ZNF793: variants seen among roughly 807,000 people sequenced by gnomAD.
ZNF793 encodes the protein zinc finger protein 793.
Under a neutral mutation model 12.4 loss-of-function variants are expected in ZNF793, and 5 were observed. The observed-to-expected ratio is 0.40, with a 90% CI of 0.21 to 0.84. The LOEUF (loss-of-function observed/expected upper bound fraction) is 0.84, where lower values mean the gene tolerates loss of function less well. Among genes scored for constraint, ZNF793 ranks in the 40% least tolerant of loss-of-function variants. The probability of loss-of-function intolerance (pLI) is 0.35; values close to 1 mark genes in which losing one functional copy is unlikely to be tolerated. For missense variants in ZNF793, 456 were observed against 495.0 expected, an observed-to-expected ratio of 0.92 and a Z score of 0.75; for synonymous variants, 162 against 172.4, an observed-to-expected ratio of 0.94 and a Z score of 0.47.
rs368150518 is a variant in ZNF793 at position 37,537,370 on chromosome 19, T to A, written c.712T>A (p.Tyr238Asn). The A allele has an allele frequency of 3.7e-6, 6 of 1,612,980 alleles. No individual in the cohort carries two copies. Among genetic ancestry groups the A allele is most frequent in the Non-Finnish European group, 5.1e-6 (6 of 1,179,418 alleles). The change falls in exon 8 of 8, where the codon TAC (tyrosine) becomes AAC (asparagine). Residue 238 changes from tyrosine (Y) to asparagine (N), a missense_variant. By Grantham distance (143) the Tyr-to-Asn change is moderately radical (BLOSUM62 -2). Transcript: ENST00000627814. ...VCSECGKAFC[Y>N]KSEFIRHQRS... ...TAGTGAGTGTGGGAAAGCCTTCTGCTACAAGTCTGAATTCATTAGGCATCA... is the reference window on the plus strand; with the variant it reads ...TAGTGAGTGTGGGAAAGCCTTCTGCAACAAGTCTGAATTCATTAGGCATCA...
At position 37,541,268 on chromosome 19, in the gene ZNF793, G is replaced by T. The variant is rs1200454174; in HGVS notation, c.*3389G>T. On this transcript the variant is annotated 3_prime_UTR_variant, in exon 8 of 8. Transcript: ENST00000627814. ...AATAAATTCTGGGTGGCTTTAAGAC[G>T]TAAAATTTTAAAGCAACAGAATTCT... 6.6e-6 allele frequency: 1 copy of T among 152,132 alleles called. No individual in the cohort carries two copies. Among genetic ancestry groups the T allele is most frequent in the African/African-American group, 2.4e-5 (1 of 41,446 alleles). 9.4% of individuals were successfully genotyped at this position (152,132 alleles called of 1,614,324 possible).
At position 37,537,679 on chromosome 19, in the gene ZNF793, T is replaced by C; in HGVS notation, c.1021T>C (p.Cys341Arg). The part of the protein sequence containing the change: ...KMHTGERPYR[C>R]RECGKSFSQK... ...GCACACAGGAGAAAGACCGTATCGTTGCAGAGAATGTGGAAAATCCTTCAG... is the reference window on the plus strand; with the variant it reads ...GCACACAGGAGAAAGACCGTATCGTCGCAGAGAATGTGGAAAATCCTTCAG... Residue 341 changes from cysteine (C) to arginine (R), a missense_variant, in exon 8 of 8, where the codon TGC (cysteine) becomes CGC (arginine). By Grantham distance (180) the Cys-to-Arg change is radical. Transcript: ENST00000627814. The C allele has an allele frequency of 2.5e-6, 4 of 1,613,652 alleles. No individual in the cohort carries two copies. The highest frequency in any genetic ancestry group is 1.7e-6 in the Non-Finnish European group (2 of 1,179,652).
At chr19:37,519,780 A>G (rs2042361103) in intron 2 of ZNF793, among the ~76,000 whole-genome samples, 1 of 152,234 alleles carries the variant, frequency 6.6e-6, no homozygotes, top group South Asian at 2.1e-4. Flanking sequence ...TGATAGGGAT[A>G]CTGAGACACA....
chr19:37,534,518 G>A (rs201255994), intron 7 of ZNF793: 35 of 138,382 alleles, frequency 2.5e-4, no homozygotes, highest in Non-Finnish European at 3.2e-4. Context: ...ACACACACAC[G>A]CACACACACA....
At position 37,533,300 on chromosome 19, in the gene ZNF793, C is replaced by G; in HGVS notation, c.143-8C>G. The G allele has an allele frequency of 6.2e-7, 1 of 1,613,666 alleles. No homozygotes were observed. Among genetic ancestry groups the G allele is most frequent in the Non-Finnish European group, 8.5e-7 (1 of 1,179,692 alleles). On this transcript the variant is annotated splice_polypyrimidine_tract_variant and splice_region_variant and intron_variant, in intron 6 of 7. Coordinates refer to ENST00000627814, the MANE Select transcript of ZNF793 (RefSeq NM_001013659.3). ...AGCCCAAGACCTGCATCAATTTCCC[C>G]GGAACAGGTTATGAAGGCACCAAAC...
intron 2 of ZNF793, among the ~76,000 whole-genome samples, chr19:37,512,666 C>T (rs1048001811): frequency 5.3e-5 from 8 of 152,086 alleles, no homozygotes; most frequent in African/African-American, 1.9e-4. Context: ...ACCCTTTACT[C>T]CTAATGTGTA....
At chr19:37,513,594 AT>A (rs2042309391) in intron 2 of ZNF793, among the ~76,000 whole-genome samples, 2 of 152,248 alleles carry the variant, frequency 1.3e-5, no homozygotes, top group Admixed American at 6.5e-5. Flanking sequence ...GACAGGAAAC[AT>A]CTGGGTTCCA....
intron 4 of ZNF793, 144 bp from the exon 5 acceptor site, chr19:37,523,266 T>G (rs1280942529): frequency 1.1e-5 from 7 of 660,238 alleles, no homozygotes; most frequent in Non-Finnish European, 1.9e-5. Context: ...TCAAATAAGG[T>G]GTAAGCCACC....
intron 2 of ZNF793, among the ~76,000 whole-genome samples, chr19:37,519,669 A>G (rs778715664): frequency 6.6e-5 from 10 of 152,262 alleles, no homozygotes; most frequent in African/African-American, 2.4e-4. Context: ...AGTTAAGAGC[A>G]TAAACAGATT....
Position 37,532,405 on chromosome 19 carries a change from G to A in ZNF793, c.65G>A (p.Trp22Ter), listed in dbSNP as rs766601712. 5.0e-6 allele frequency: 8 copies of A among 1,614,146 alleles called. No individual in the cohort carries two copies. Among genetic ancestry groups the A allele is most frequent in the South Asian group, 2.2e-5 (2 of 91,076 alleles). ...DVVVGFTQEE[W>*]HRLSPAQRAL... ...GTTGTGGGCTTCACCCAAGAGGAGT[G>A]GCACCGGCTGAGTCCTGCTCAGAGG... is the stretch of plus-strand genomic sequence containing the variant. The change falls in exon 6 of 8, where the codon TGG (tryptophan) becomes TAG (stop). Residue 22 changes from tryptophan (W) to a stop codon, truncating the protein, a stop_gained. Transcript: ENST00000627814. LOFTEE classifies it high-confidence loss of function.
At chr19:37,526,023 T>G (rs1013834315) in intron 5 of ZNF793, among the ~76,000 whole-genome samples, 1 of 152,166 alleles carries the variant, frequency 6.6e-6, no homozygotes, top group Non-Finnish European at 1.5e-5. Flanking sequence ...CTTCTCAGTT[T>G]CCCATCACAG....
chr19:37,518,630 CAAAAAAA>C (rs61641247), intron 2 of ZNF793, among the ~76,000 whole-genome samples: 5 of 84,458 alleles, frequency 5.9e-5, no homozygotes, highest in South Asian at 3.5e-4. Context: ...CCTGTCTCTA[CAAAAAAA>C]AAAAAAAAAA....
At position 37,537,813 on chromosome 19, in the gene ZNF793, T is replaced by A. The variant is rs770441744; in HGVS notation, c.1155T>A (p.His385Gln). The change falls in exon 8 of 8, where the codon CAT becomes CAA. Residue 385 changes from histidine (H) to glutamine (Q), a missense_variant. By Grantham distance (24) the His-to-Gln change is conservative. Transcript: ENST00000627814. ...AFYQKPNLSR[H>Q]QKIHARKNAY... is the part of the protein sequence containing the mutation. ...ACCAGAAGCCAAACCTCAGCAGACA[T>A]CAGAAAATTCATGCTCGGAAGAATG... 3 of 1,613,232 alleles carry A rather than the reference T, an allele frequency of 1.9e-6. No homozygotes were observed. The South Asian group carries it at 3.3e-5, about 18-fold the overall frequency.
intron 5 of ZNF793, among the ~76,000 whole-genome samples, chr19:37,525,371 C>T (rs565182219): frequency 2.0e-5 from 3 of 151,598 alleles, no homozygotes; most frequent in African/African-American, 7.3e-5. Flanking sequence ...ATCTCCTGAC[C>T]TTGTGATCCT....
intron 5 of ZNF793, 85 bp downstream of exon 5, chr19:37,523,539 C>A: frequency 1.5e-6 from 2 of 1,313,258 alleles, no homozygotes; most frequent in Non-Finnish European, 2.2e-6. Context: ...TAAGTATGTA[C>A]AGTTTGTACA....
chr19:37,535,479 C>G (rs564656552), intron 7 of ZNF793: 1 of 152,008 alleles, frequency 6.6e-6, no homozygotes, highest in East Asian at 1.9e-4. Context: ...AAATAAATGA[C>G]TAAAGTACAG....
chr19:37,524,167 T>G (rs2042395972), intron 5 of ZNF793, among the ~76,000 whole-genome samples: 1 of 144,338 alleles, frequency 6.9e-6, no homozygotes, highest in Non-Finnish European at 1.5e-5. Flanking sequence ...ATAATAATAA[T>G]AATAATAATA....
chr19:37,532,156 A>G (rs1316423931), intron 5 of ZNF793, among the ~76,000 whole-genome samples, 200 bp from the exon 6 acceptor site: 1 of 151,944 alleles, frequency 6.6e-6, no homozygotes, highest in Non-Finnish European at 1.5e-5. Flanking sequence ...TGAGATTACA[A>G]GTGTGCACCA....
chr19:37,532,312 A>G (rs556161501), intron 5 of ZNF793, 44 bp from the exon 6 acceptor site: 2 of 1,590,148 alleles, frequency 1.3e-6, no homozygotes, highest in East Asian at 4.6e-5. Flanking sequence ...CCCTGCACAA[A>G]CATTTTTTTT....
Sources: gnomAD v4.1 joint callset for allele counts (sites outside exome capture counted in the v4.1 genomes callset) on GRCh38, gnomAD v4.1.1 for gene constraint, MANE v1.5 for transcripts, NCBI Gene and HGNC (gene_info 2026-07-23, HGNC 2026-07-21) for gene names.